Variants in IL1RL2 observed in about 807,000 individuals in gnomAD.
The protein encoded by IL1RL2 is interleukin-1 receptor-like 2.
IL1RL2 carries 68 observed loss-of-function variants against 66.8 expected under a neutral mutation model. The ratio of observed to expected loss-of-function variants is 1.02; its 90% confidence interval spans 0.84 to 1.25. The LOEUF is 1.25. IL1RL2 is among the 50% of genes most tolerant of loss of function. IL1RL2 has a pLI of 0.00. For synonymous variants in IL1RL2, 305 were observed against 264.6 expected (o/e 1.15, Z -1.48); for missense variants, 729 against 709.3 (o/e 1.03, Z -0.32).
intron 11 of IL1RL2, among the ~76,000 whole-genome samples, chr2:102,238,497 C>T (rs1265937896): frequency 6.6e-6 from 1 of 152,238 alleles, no homozygotes; most frequent in Non-Finnish European, 1.5e-5. Context: ...GGGCCCCCCA[C>T]ACCCATCAGC....
At chr2:102,212,957 C>A (rs1370349396) in intron 6 of IL1RL2, among the ~76,000 whole-genome samples, 1 of 151,984 alleles carries the variant, frequency 6.6e-6, no homozygotes, top group Non-Finnish European at 1.5e-5. Context: ...CAGAGCGAGA[C>A]TCCGTCTCAA....
At chr2:102,187,279 G>C in intron 1 of IL1RL2, 193 bp downstream of exon 1, 1 of 1,176,232 alleles carries the variant, frequency 8.5e-7, no homozygotes, top group Non-Finnish European at 1.1e-6. Context: ...AGTGGAGCTC[G>C]CGGCTATTTT....
At chr2:102,188,116 C>A (rs1247179381) in intron 2 of IL1RL2, among the ~76,000 whole-genome samples, 191 bp downstream of exon 2, 2 of 152,200 alleles carry the variant, frequency 1.3e-5, no homozygotes, top group Non-Finnish European at 2.9e-5. Context: ...CCCTGAATGT[C>A]GCCTTTGAGC....
chr2:102,216,598 C>T (rs931216766), intron 6 of IL1RL2, among the ~76,000 whole-genome samples: 1 of 152,046 alleles, frequency 6.6e-6, no homozygotes, highest in African/African-American at 2.4e-5. Context: ...TTGGTAAGAA[C>T]ATGACTCCTG....
intron 11 of IL1RL2, chr2:102,236,065 G>A (rs1011803322): frequency 3.7e-6 from 2 of 541,544 alleles, no homozygotes; most frequent in East Asian, 3.0e-4. Context: ...TCCAAGCAAG[G>A]CAAAGTCAGT....
chr2:102,228,424 C>A (rs527679027), intron 9 of IL1RL2, among the ~76,000 whole-genome samples: 1 of 152,218 alleles, frequency 6.6e-6, no homozygotes, highest in African/African-American at 2.4e-5. Context: ...ATTAGGTGTG[C>A]ATGACTCACC....
chr2:102,199,943 G>C (rs1688099320), intron 4 of IL1RL2, among the ~76,000 whole-genome samples: 1 of 152,008 alleles, frequency 6.6e-6, no homozygotes, highest in South Asian at 2.1e-4. Flanking sequence ...CAGACTCCTT[G>C]AGCTCAGGTG....
In IL1RL2 at chr2:102,203,327, C is replaced by A. The variant is rs115064129; in HGVS notation, c.649+1612C>A. Among the ~76,000 whole-genome samples the A allele has an allele frequency of 7.4e-3, 1,091 of 147,720 alleles. 18 individuals carry two copies. The highest frequency in any genetic ancestry group is 0.026 in the African/African-American group (1,053 of 40,852). The stretch of plus-strand genomic sequence containing the variant: ...CATCAATATTCATCAGAGATACTTG[C>A]CTATAGTTTTCTCTCTCTTTTTTTT... On this transcript the variant is annotated intron_variant, in intron 5 of 11. Coordinates refer to ENST00000264257, the MANE Select transcript of IL1RL2 (RefSeq NM_003854.4).
At chr2:102,223,395 C>G (rs960174603) in intron 8 of IL1RL2, among the ~76,000 whole-genome samples, 3 of 152,168 alleles carry the variant, frequency 2.0e-5, no homozygotes, top group African/African-American at 7.2e-5. Flanking sequence ...CGTGAATTCG[C>G]GTATTACTTA....
At chr2:102,226,557 C>A (rs1429177127) in intron 9 of IL1RL2, among the ~76,000 whole-genome samples, 1 of 152,162 alleles carries the variant, frequency 6.6e-6, no homozygotes, top group Non-Finnish European at 1.5e-5. Flanking sequence ...GACTTCTCCA[C>A]TTACTCCCTA....
intron 8 of IL1RL2, among the ~76,000 whole-genome samples, chr2:102,220,313 A>C (rs1359979396): frequency 1.3e-5 from 2 of 152,228 alleles, no homozygotes; most frequent in Non-Finnish European, 2.9e-5. Flanking sequence ...TGATTGCCAA[A>C]TGTTTTGCTT....
chr2:102,189,201 A>G lies in IL1RL2; in HGVS notation c.184A>G (p.Lys62Glu), dbSNP rs1412210087. 1 of 1,614,052 alleles carries G rather than the reference A, an allele frequency of 6.2e-7. No individual in the cohort carries two copies. Among genetic ancestry groups the G allele is most frequent in the African/African-American group, 1.3e-5 (1 of 74,950 alleles). ...VSVTWYKNSSKIPVSKIIQSR... is the reference protein window; with the variant it reads ...VSVTWYKNSSEIPVSKIIQSR... Reference sequence around the variant, plus strand: ...TGTAACATGGTATAAAAATTCTAGCAAAATCCCAGTGTCCAAAATCATACA... The same window carrying G: ...TGTAACATGGTATAAAAATTCTAGCGAAATCCCAGTGTCCAAAATCATACA... Residue 62 changes from lysine (K) to glutamate (E), a missense_variant, in exon 3 of 12, where the codon AAA (lysine) becomes GAA (glutamate). Coordinates refer to ENST00000264257, the MANE Select transcript of IL1RL2 (RefSeq NM_003854.4).
chr2:102,206,837 T>G (rs1688747674), intron 5 of IL1RL2, among the ~76,000 whole-genome samples: 1 of 152,212 alleles, frequency 6.6e-6, no homozygotes, highest in Admixed American at 6.5e-5. Flanking sequence ...ACTGGCAAGG[T>G]CTCTCAGGCC....
At chr2:102,227,216 C>T (rs35779618) in intron 9 of IL1RL2, among the ~76,000 whole-genome samples, 2,298 of 152,200 alleles carry the variant, frequency 0.015, 53 homozygotes, top group African/African-American at 0.053. Context: ...TGGAGATGCA[C>T]GACTTTATAC....
At chr2:102,223,999 C>T (rs937392655) in intron 8 of IL1RL2, among the ~76,000 whole-genome samples, 2 of 152,118 alleles carry the variant, frequency 1.3e-5, no homozygotes, top group South Asian at 2.1e-4. Context: ...ATTTTTTTGG[C>T]ACCAAATGTG....
At chr2:102,238,816 T>A (rs1429178917) in intron 11 of IL1RL2, among the ~76,000 whole-genome samples, 1 of 152,098 alleles carries the variant, frequency 6.6e-6, no homozygotes, top group East Asian at 1.9e-4. Context: ...TGTGTGTGGA[T>A]GTCCCCTCCC....
chr2:102,233,965 A>T (rs1674595638), intron 10 of IL1RL2, among the ~76,000 whole-genome samples: 1 of 152,108 alleles, frequency 6.6e-6, no homozygotes, highest in Admixed American at 6.6e-5. Flanking sequence ...TAGAAATATG[A>T]AAATCAGCCA....
At chr2:102,202,150 G>A (rs531514018) in intron 5 of IL1RL2, among the ~76,000 whole-genome samples, 1 of 152,150 alleles carries the variant, frequency 6.6e-6, no homozygotes, top group Non-Finnish European at 1.5e-5. Flanking sequence ...TTCTGGATAT[G>A]GTCCTGGGAT....
At chr2:102,207,447 T>C (rs962096152) in intron 5 of IL1RL2, among the ~76,000 whole-genome samples, 2 of 152,170 alleles carry the variant, frequency 1.3e-5, no homozygotes, top group Non-Finnish European at 2.9e-5. Flanking sequence ...ACTCTTAAGT[T>C]AGCAGGTGAT....
Sources: gnomAD v4.1 joint callset for allele counts (sites outside exome capture counted in the v4.1 genomes callset) on GRCh38, gnomAD v4.1.1 for gene constraint, MANE v1.5 for transcripts, NCBI Gene and HGNC (gene_info 2026-07-23, HGNC 2026-07-21) for gene names.